The following PTPRD variants were observed in gnomAD, a reference collection of about 807,000 sequenced individuals.
The protein encoded by PTPRD is receptor-type tyrosine-protein phosphatase delta.
Under a neutral mutation model 214.5 loss-of-function variants are expected in PTPRD, and 34 were observed. The observed-to-expected ratio is 0.16, with a 90% CI of 0.12 to 0.21. The LOEUF (loss-of-function observed/expected upper bound fraction) is 0.21, where lower values mean the gene tolerates loss of function less well. Ranked by LOEUF, PTPRD falls within the 10% of genes least tolerant of loss-of-function variation. PTPRD has a pLI of 1.00. For synonymous variants in PTPRD, 1,128 were observed against 845.7 expected (o/e 1.33, Z -5.79); for missense variants, 2,545 against 2,398.7 (o/e 1.06, Z -1.27).
chr9:10,375,955 C>G (rs1342464519), intron 2 of PTPRD, among the ~76,000 whole-genome samples: 2 of 151,894 alleles, frequency 1.3e-5, no homozygotes. Flanking sequence ...TCTTTTAAGT[C>G]TCTAGGATTT....
intron 12 of PTPRD, among the ~76,000 whole-genome samples, chr9:8,650,697 A>T (rs1179470201): frequency 6.6e-6 from 1 of 152,100 alleles, no homozygotes; most frequent in East Asian, 1.9e-4. Flanking sequence ...TTAGACCAAT[A>T]CCCTGACAGA....
intron 7 of PTPRD, among the ~76,000 whole-genome samples, chr9:9,618,211 T>C (rs931023181): frequency 1.3e-5 from 2 of 151,694 alleles, no homozygotes; most frequent in Admixed American, 6.6e-5. Flanking sequence ...TAATCTGTGT[T>C]AGACACCATC....
chr9:9,109,822 G>A (rs1278622697), intron 10 of PTPRD, among the ~76,000 whole-genome samples: 1 of 152,064 alleles, frequency 6.6e-6, no homozygotes, highest in African/African-American at 2.4e-5. Context: ...GGCCTTCTTG[G>A]TCTGAGTTGG....
At chr9:9,187,375 C>A (rs1055649022) in intron 9 of PTPRD, among the ~76,000 whole-genome samples, 1 of 151,964 alleles carries the variant, frequency 6.6e-6, no homozygotes, top group East Asian at 1.9e-4. Flanking sequence ...TTTGCATTAC[C>A]TTAAACACCA....
rs147100975 is a variant in PTPRD, at chr9:10,493,442, C to T, written c.-600+118956G>A. Among the ~76,000 whole-genome samples, 18 of 152,146 alleles carry T rather than the reference C, an allele frequency of 1.2e-4. No individual in the cohort carries two copies. In the East Asian group the frequency reaches 3.1e-3, roughly 26 times the overall value. On this transcript the variant is annotated intron_variant, in intron 2 of 45. Coordinates refer to ENST00000381196, the MANE Select transcript of PTPRD (RefSeq NM_002839.4). Reference sequence around the variant, plus strand: ...CAGAACAGAGGCCTCAGAAATAATGCCACACATCTACAACTATGTGACCTT... The same window carrying T: ...CAGAACAGAGGCCTCAGAAATAATGTCACACATCTACAACTATGTGACCTT...
rs117948156 is a variant in PTPRD at position 9,807,400 on chromosome 9, C to T, written c.-367-40549G>A. Among the ~76,000 whole-genome samples, 289 of 152,198 alleles carry T rather than the reference C, an allele frequency of 1.9e-3. 1 individual carries two copies. The highest frequency in any genetic ancestry group is 3.5e-3 in the Non-Finnish European group (235 of 67,994). On this transcript the variant is annotated intron_variant, in intron 5 of 45. Transcript: ENST00000381196. ...ATCCTGATTTCACGAAACAGGTGGG[C>T]ATGAGTTCAGTTATGGTTATCAAAC... is the stretch of plus-strand genomic sequence containing the variant.
chr9:9,531,857 A>G (rs2075547767), intron 8 of PTPRD, among the ~76,000 whole-genome samples: 1 of 152,032 alleles, frequency 6.6e-6, no homozygotes, highest in Admixed American at 6.6e-5. Flanking sequence ...TGTTGTATTG[A>G]TAGTATGGCT....
chr9:8,708,014 C>T (rs930665986), intron 12 of PTPRD, among the ~76,000 whole-genome samples: 12 of 152,172 alleles, frequency 7.9e-5, no homozygotes, highest in East Asian at 3.9e-4. Context: ...TTATACCTCA[C>T]AGGCTAAGCT....
chr9:9,724,766 C>T (rs74610564), intron 7 of PTPRD, among the ~76,000 whole-genome samples: 1 of 152,040 alleles, frequency 6.6e-6, no homozygotes, highest in Non-Finnish European at 1.5e-5. Context: ...TTAAGGTATC[C>T]CCATTTACAG....
At chr9:8,746,447 T>C (rs1180767062) in intron 11 of PTPRD, among the ~76,000 whole-genome samples, 1 of 152,212 alleles carries the variant, frequency 6.6e-6, no homozygotes, top group Non-Finnish European at 1.5e-5. Context: ...TACTCACTCC[T>C]TTAGAAAATA....
chr9:10,563,129 G>C (rs186629799), intron 2 of PTPRD, among the ~76,000 whole-genome samples: 1 of 152,114 alleles, frequency 6.6e-6, no homozygotes, highest in Non-Finnish European at 1.5e-5. Context: ...AAATTGCTCT[G>C]AATACCAGAA....
rs1444300276 is a variant in PTPRD, at chr9:8,484,347, T to A, written c.3185A>T (p.Glu1062Val). Residue 1062 changes from glutamate (E) to valine (V), a missense_variant, in exon 30 of 46, where the codon GAA (glutamate) becomes GTA (valine). By Grantham distance (121) the Glu-to-Val change is moderately radical. Transcript: ENST00000381196. ...ILYDDGKMVE[E>V]VDGRATQKLI... Reference sequence around the variant, plus strand: ...CTTCTGTGTGGCTCGGCCATCCACTTCTTCTACCATTTTCCCATCATCATA... The same window carrying A: ...CTTCTGTGTGGCTCGGCCATCCACTACTTCTACCATTTTCCCATCATCATA... 2 of 1,614,086 alleles carry A rather than the reference T, an allele frequency of 1.2e-6. No individual in the cohort carries two copies. Among genetic ancestry groups the A allele is most frequent in the Non-Finnish European group, 1.7e-6 (2 of 1,179,972 alleles).
chr9:10,499,387 C>G (rs891445847), intron 2 of PTPRD, among the ~76,000 whole-genome samples: 1 of 151,878 alleles, frequency 6.6e-6, no homozygotes, highest in Admixed American at 6.6e-5. Flanking sequence ...TAAACAAAGA[C>G]CATATATTCA....
chr9:10,336,899 A>C (rs899063427), intron 3 of PTPRD, among the ~76,000 whole-genome samples: 1 of 151,654 alleles, frequency 6.6e-6, no homozygotes, highest in Non-Finnish European at 1.5e-5. Context: ...CTATAGACAG[A>C]GATGAAATGG....
intron 14 of PTPRD, among the ~76,000 whole-genome samples, chr9:8,617,938 TA>T (rs55829086): frequency 6.6e-6 from 1 of 152,062 alleles, no homozygotes; most frequent in Admixed American, 6.6e-5. Context: ...GCTCATTTTT[TA>T]AAAAAATCAC....
intron 4 of PTPRD, among the ~76,000 whole-genome samples, chr9:9,950,992 A>C (rs2153996691): frequency 6.6e-6 from 1 of 152,252 alleles, no homozygotes; most frequent in South Asian, 2.1e-4. Context: ...GGGCTGGATT[A>C]CTCACTGGTA....
intron 9 of PTPRD, among the ~76,000 whole-genome samples, chr9:9,324,289 A>C (rs1242741181): frequency 1.3e-5 from 2 of 152,290 alleles, no homozygotes; most frequent in East Asian, 3.9e-4. Flanking sequence ...TGGTTGAACT[A>C]GTTTACATTC....
At chr9:9,429,910 T>A (rs1486820180) in intron 8 of PTPRD, among the ~76,000 whole-genome samples, 1 of 152,110 alleles carries the variant, frequency 6.6e-6, no homozygotes, top group Non-Finnish European at 1.5e-5. Context: ...CTCAAAATAA[T>A]AATAGCTATT....
chr9:9,221,880 CA>C (rs1482572947), intron 9 of PTPRD, among the ~76,000 whole-genome samples: 4 of 152,024 alleles, frequency 2.6e-5, no homozygotes, highest in Admixed American at 2.0e-4. Context: ...ATACAGTCAT[CA>C]CTTCAGAGCT....
Sources: allele counts gnomAD v4.1 joint callset (sites outside exome capture counted in the v4.1 genomes callset), GRCh38; gene constraint gnomAD v4.1.1; transcripts MANE v1.5; gene names NCBI Gene and HGNC (gene_info 2026-07-23, HGNC 2026-07-21).